Variants in PHF13 observed in about 807,000 individuals in gnomAD.
The protein encoded by PHF13 is PHD zinc finger protein PHF5.
A neutral mutation model predicts 25.8 loss-of-function variants in PHF13; 1 was observed. The ratio of observed to expected loss-of-function variants is 0.04; its 90% CI spans 0.01 to 0.18. PHF13 has a LOEUF of 0.18. Among genes scored for constraint, PHF13 ranks in the 10% least tolerant of loss-of-function variants. The pLI, the probability that PHF13 is intolerant of heterozygous loss-of-function variation, is 1.00. For missense variants in PHF13, 306 were observed against 403.2 expected, an observed-to-expected ratio of 0.76 and a Z score of 2.06; for synonymous variants, 195 against 162.4, an observed-to-expected ratio of 1.20 and a Z score of -1.53.
chr1:6,619,826 C>G lies in PHF13; in HGVS notation c.165C>G (p.Pro55=). ...PKEELPLRSS[P]SPANSTAGTI... is the part of the protein sequence containing the mutation. ...AGGAACTCCCTTTAAGGAGCAGCCCCAGCCCTGCTAACAGCACTGCTGGTA... is the reference window on the plus strand; with the variant it reads ...AGGAACTCCCTTTAAGGAGCAGCCCGAGCCCTGCTAACAGCACTGCTGGTA... The change falls in exon 3 of 4, where the codon CCC becomes CCG. Residue 55 remains proline, a synonymous_variant. Coordinates refer to ENST00000377648, the MANE Select transcript of PHF13 (RefSeq NM_153812.3). 6.2e-7 allele frequency: 1 copy of G among 1,610,022 alleles called. No homozygotes were observed. The highest frequency in any genetic ancestry group is 8.5e-7 in the Non-Finnish European group (1 of 1,178,180).
At chr1:6,617,236 G>A (rs182181225) in intron 2 of PHF13, among the ~76,000 whole-genome samples, 170 of 152,012 alleles carry the variant, frequency 1.1e-3, no homozygotes, top group Non-Finnish European at 6.3e-4. Context: ...ACAGGCGTGC[G>A]CCACCACGCT....
chr1:6,622,121 C>T lies in PHF13; in HGVS notation c.*484C>T. 1 of 181,902 alleles carries T rather than the reference C, an allele frequency of 5.5e-6. No homozygotes were observed. The highest frequency in any genetic ancestry group is 5.3e-5 in the Admixed American group (1 of 18,718). The allele number at this position is 181,902 out of a possible 1,614,324, so 11.3% of individuals were successfully genotyped here. The stretch of plus-strand genomic sequence containing the variant: ...TCTGTACAGCAGCCATCCAAGTTGC[C>T]CCTACTTAGTGGCTTGCCCTCTGCC... On this transcript the variant is annotated 3_prime_UTR_variant, in exon 4 of 4. Coordinates refer to ENST00000377648, the MANE Select transcript of PHF13 (RefSeq NM_153812.3).
chr1:6,619,901 A>G lies in PHF13; in HGVS notation c.240A>G (p.Ser80=), dbSNP rs765297708. 1.8e-4 allele frequency: 297 copies of G among 1,613,822 alleles called. 1 individual carries two copies. The highest frequency in any genetic ancestry group is 2.3e-4 in the Non-Finnish European group (274 of 1,180,024). ...CGGGTTTCTCAGACATCGCGTCCTC[A>G]GTGCCCTTGCCAGTCTCTGACCGCT... ...WDAGFSDIAS[S]VPLPVSDRCF... The change falls in exon 3 of 4, where the codon TCA becomes TCG. Residue 80 remains serine (S), a synonymous_variant. Coordinates refer to ENST00000377648, the MANE Select transcript of PHF13 (RefSeq NM_153812.3).
chr1:6,614,318 C>T (rs1641219769), intron 1 of PHF13: 5 of 529,978 alleles, frequency 9.4e-6, no homozygotes, highest in Admixed American at 8.0e-5. Context: ...CCTCCGCGGA[C>T]CTCCGCGTCC....
rs1328159770 is a variant in PHF13, at chr1:6,621,209, A to G, written c.677-202A>G. 6.6e-6 allele frequency among the ~76,000 whole-genome samples: 1 copy of G among 151,856 alleles called. No homozygotes were observed. Among genetic ancestry groups the G allele is most frequent in the East Asian group, 1.9e-4 (1 of 5,174 alleles). ...TGAGACCCTGTCTTAGGGAAAAAAA[A>G]AAAAAAGTAAGCATCTCCTGGGTAA... is the stretch of plus-strand genomic sequence containing the variant. On this transcript the variant is annotated intron_variant, in intron 3 of 3. Coordinates refer to ENST00000377648, the MANE Select transcript of PHF13 (RefSeq NM_153812.3). This position sits in a 1 kb window ranked among gnomAD's most constrained non-coding sequence, Gnocchi z 4.8.
In PHF13 at chr1:6,622,831, C is replaced by G. The variant is rs536087613; in HGVS notation, c.*1194C>G. On this transcript the variant is annotated 3_prime_UTR_variant, in exon 4 of 4. Coordinates refer to ENST00000377648, the MANE Select transcript of PHF13 (RefSeq NM_153812.3). ...CTGTGAGGGCCAGCTCTGGAAAAAC[C>G]TGGGAGTTGATGCCGGAGGCTGTGG... is the stretch of plus-strand genomic sequence containing the variant. 1 of 152,210 alleles carries G rather than the reference C, an allele frequency of 6.6e-6. No homozygotes were observed. Among genetic ancestry groups the G allele is most frequent in the South Asian group, 2.1e-4 (1 of 4,826 alleles). The allele number at this position is 152,210 out of a possible 1,614,324, so 9.4% of individuals were successfully genotyped here.
intron 3 of PHF13, among the ~76,000 whole-genome samples, chr1:6,620,876 G>GA (rs1641328535): frequency 6.6e-6 from 1 of 150,468 alleles, no homozygotes; most frequent in Non-Finnish European, 1.5e-5. Context: ...AAAAAAAAAA[G>GA]AAAAAATTAG....
At chr1:6,614,363 T>G in intron 1 of PHF13, 1 of 439,122 alleles carries the variant, frequency 2.3e-6, no homozygotes. Context: ...GTTGCGCCTA[T>G]TTCTCTCCCC....
chr1:6,614,374 C>G, intron 1 of PHF13: 3 of 444,588 alleles, frequency 6.7e-6, no homozygotes, highest in Non-Finnish European at 8.0e-6. Context: ...TTCTCTCCCC[C>G]GGGCCGCCCC....
chr1:6,614,761 G>C (rs1368452935), intron 1 of PHF13, among the ~76,000 whole-genome samples: 1 of 131,976 alleles, frequency 7.6e-6, no homozygotes, highest in African/African-American at 2.8e-5. Context: ...CCCCCCGCCC[G>C]CGGGCTTTGC....
At chr1:6,615,204 C>T (rs1286461142) in intron 1 of PHF13, among the ~76,000 whole-genome samples, 5 of 151,950 alleles carry the variant, frequency 3.3e-5, no homozygotes, top group African/African-American at 9.7e-5. Context: ...CTCCCGCGCG[C>T]CCCCGGCCCG....
At chr1:6,615,481 C>T (rs1351559507) in intron 1 of PHF13, among the ~76,000 whole-genome samples, 3 of 152,126 alleles carry the variant, frequency 2.0e-5, no homozygotes, top group Admixed American at 1.3e-4. Context: ...CACCGACTTT[C>T]TCGAAAGAAA....
chr1:6,614,734 C>G (rs997738848), intron 1 of PHF13: 1 of 149,486 alleles, frequency 6.7e-6, no homozygotes, highest in Non-Finnish European at 1.5e-5. Flanking sequence ...GCGCTGGCCT[C>G]TCTCTTCGGG....
At position 6,619,565 on chromosome 1, in the gene PHF13, C is replaced by T. The variant is rs1361955676; in HGVS notation, c.142-238C>T. Among the ~76,000 whole-genome samples the T allele has an allele frequency of 9.8e-5, 15 of 152,302 alleles. No homozygotes were observed. In the East Asian group the frequency reaches 2.9e-3, roughly 29 times the overall value. ...TGTTGGCCAGGTTGGTCTTGAACTC[C>T]TGGTCTCAGGTGATCCGCCTGCCTT... On this transcript the variant is annotated intron_variant, in intron 2 of 3. Transcript: ENST00000377648.
chr1:6,618,183 G>A (rs902026547), intron 2 of PHF13, among the ~76,000 whole-genome samples: 1 of 151,968 alleles, frequency 6.6e-6, no homozygotes, highest in African/African-American at 2.4e-5. Flanking sequence ...TGCCCAGGCT[G>A]GAGTGCAGTG....
Position 6,621,544 on chromosome 1 carries a change from A to T in PHF13, c.810A>T (p.Glu270Asp). The T allele has an allele frequency of 6.2e-7, 1 of 1,614,180 alleles. No homozygotes were observed. The highest frequency in any genetic ancestry group is 1.1e-5 in the South Asian group (1 of 91,084). Reference protein sequence around the residue: ...CAKIRKSNVPEVFVCQKCRDS... With the variant: ...CAKIRKSNVPDVFVCQKCRDS... ...AAATCCGGAAATCCAATGTTCCAGA[A>T]GTGTTTGTCTGCCAAAAGTGCCGGG... The change falls in exon 4 of 4, where the codon GAA (glutamate) becomes GAT (aspartate). Residue 270 changes from glutamate to aspartate, a missense_variant. Transcript: ENST00000377648. This position sits in a 1 kb window ranked among gnomAD's most constrained non-coding sequence, Gnocchi z 4.8.
At chr1:6,616,992 T>C in intron 2 of PHF13, 134 bp downstream of exon 2, 1 of 671,744 alleles carries the variant, frequency 1.5e-6, no homozygotes, top group South Asian at 1.7e-5. Flanking sequence ...CCCCAGTCAC[T>C]AGTCTGGCAG....
rs562780187 is a variant in PHF13, at chr1:6,624,025, G to A, written c.*2388G>A. 9.2e-5 allele frequency: 14 copies of A among 152,496 alleles called. No individual in the cohort carries two copies. Among genetic ancestry groups the A allele is most frequent in the Non-Finnish European group, 1.6e-4 (11 of 68,044 alleles). The allele number at this position is 152,496 out of a possible 1,614,324, so 9.4% of individuals were successfully genotyped here. A position where few individuals can be genotyped will look rare whatever the true frequency, so the allele number is the denominator to read the frequency against. On this transcript the variant is annotated 3_prime_UTR_variant, in exon 4 of 4. Coordinates refer to ENST00000377648, the MANE Select transcript of PHF13 (RefSeq NM_153812.3). ...CAAGGTTCAGGCGATTGCGTTCTGT[G>A]CTGAAGGACAATTGTGTTTCTTTTC...
rs953459763 is a variant in PHF13 at position 6,623,747 on chromosome 1, G to A, written c.*2110G>A. On this transcript the variant is annotated 3_prime_UTR_variant, in exon 4 of 4. Transcript: ENST00000377648. ...TTTTTGTGTTAGATTGAGCTGGGCA[G>A]CTGCAATCAGCTTCTTTATATGCAA... is the stretch of plus-strand genomic sequence containing the variant. 9 of 152,648 alleles carry A rather than the reference G, an allele frequency of 5.9e-5. No homozygotes were observed. The highest frequency in any genetic ancestry group is 2.2e-4 in the African/African-American group (9 of 41,460). 9.5% of individuals were successfully genotyped at this position (152,648 alleles called of 1,614,324 possible).
Sources: gnomAD v4.1 joint callset for allele counts (sites outside exome capture counted in the v4.1 genomes callset) on GRCh38, gnomAD v4.1.1 for gene constraint, Gnocchi (gnomAD v3.1) non-coding constraint, MANE v1.5 for transcripts, NCBI Gene and HGNC (gene_info 2026-07-23, HGNC 2026-07-21) for gene names.